Variants in CHN2 observed in about 807,000 individuals in gnomAD.
The protein encoded by CHN2 is chimerin 2.
CHN2 carries 35 observed loss-of-function variants against 56.3 expected under a neutral mutation model. That is an observed-to-expected ratio of 0.62 (90% CI 0.47 to 0.82). The LOEUF is 0.82. Among genes scored for constraint, CHN2 ranks in the 40% least tolerant of loss-of-function variants. The pLI is 0.00. For synonymous variants in CHN2, 210 were observed against 212.8 expected (o/e 0.99, Z 0.12); for missense variants, 491 against 580.5 (o/e 0.85, Z 1.58).
chr7:29,457,501 A>G (rs989313873), intron 6 of CHN2, among the ~76,000 whole-genome samples: 9 of 152,162 alleles, frequency 5.9e-5, no homozygotes, highest in Admixed American at 1.3e-4. Context: ...ACTCACTCAC[A>G]TAACAAAGTA....
chr7:29,146,820 T>C, intron 1 of CHN2: 1 of 1,550,600 alleles, frequency 6.4e-7, no homozygotes. Flanking sequence ...ATTTCAACCC[T>C]GTATTTTGAA....
intron 1 of CHN2, among the ~76,000 whole-genome samples, chr7:29,231,824 G>T (rs1786733170): frequency 6.6e-6 from 1 of 152,116 alleles, no homozygotes; most frequent in African/African-American, 2.4e-5. Flanking sequence ...GTTGTATGTT[G>T]CTTGTTGTTC....
intron 6 of CHN2, among the ~76,000 whole-genome samples, chr7:29,418,316 C>T (rs1226064883): frequency 5.9e-5 from 9 of 152,218 alleles, no homozygotes; most frequent in Admixed American, 5.2e-4. Flanking sequence ...AAACTTCTCG[C>T]GGAAGCGCGG....
At chr7:29,489,474 A>G (rs1788410240) in intron 7 of CHN2, among the ~76,000 whole-genome samples, 1 of 152,254 alleles carries the variant, frequency 6.6e-6, no homozygotes, top group African/African-American at 2.4e-5. Context: ...AAGAGTAGAC[A>G]TAATAAGTAG....
intron 1 of CHN2, among the ~76,000 whole-genome samples, chr7:29,288,447 G>C (rs892859665): frequency 4.6e-5 from 7 of 152,140 alleles, no homozygotes; most frequent in African/African-American, 1.4e-4. Context: ...TGATTCCTTA[G>C]AATTTGTGGT....
chr7:29,422,426 G>A (rs7777711), intron 6 of CHN2, among the ~76,000 whole-genome samples: 12,264 of 152,210 alleles, frequency 0.081, 1,424 homozygotes, highest in African/African-American at 0.25. Flanking sequence ...GTCTCTGACT[G>A]TGATGTTTCC....
intron 1 of CHN2, among the ~76,000 whole-genome samples, chr7:29,238,681 G>A (rs1787401308): frequency 6.6e-6 from 1 of 152,168 alleles, no homozygotes; most frequent in Non-Finnish European, 1.5e-5. Context: ...GTATTAAGAA[G>A]GGCTGAATTT....
intron 1 of CHN2, among the ~76,000 whole-genome samples, chr7:29,279,633 G>A (rs11980456): frequency 0.3 from 46,011 of 152,092 alleles, 7,251 homozygotes; most frequent in African/African-American, 0.38. Context: ...GGAACTCAGG[G>A]AATGGGGCTC....
intron 6 of CHN2, among the ~76,000 whole-genome samples, chr7:29,457,113 C>T (rs1458295769): frequency 3.3e-5 from 5 of 152,186 alleles, no homozygotes; most frequent in African/African-American, 4.8e-5. Flanking sequence ...CTAGCACGGG[C>T]GATGGCCTGC....
intron 6 of CHN2, among the ~76,000 whole-genome samples, chr7:29,417,420 C>G (rs1006350066): frequency 6.6e-6 from 1 of 151,420 alleles, no homozygotes; most frequent in Admixed American, 6.6e-5. Context: ...ACTGCAAGCT[C>G]CGCCTCCTGG....
intron 1 of CHN2, among the ~76,000 whole-genome samples, chr7:29,213,913 T>G (rs1186870466): frequency 1.3e-5 from 2 of 152,210 alleles, no homozygotes; most frequent in African/African-American, 4.8e-5. Context: ...TGCATTACTG[T>G]AATCTTTGTG....
intron 11 of CHN2, among the ~76,000 whole-genome samples, chr7:29,508,878 C>T (rs189902646): frequency 6.2e-4 from 94 of 152,116 alleles, no homozygotes; most frequent in Admixed American, 3.7e-3. Flanking sequence ...TGTAGAAGTC[C>T]GCCAGGGAAA....
chr7:29,307,335 A>G (rs1052858952), intron 1 of CHN2, among the ~76,000 whole-genome samples: 2 of 152,238 alleles, frequency 1.3e-5, no homozygotes, highest in African/African-American at 2.4e-5. Flanking sequence ...TTGAAGGGAA[A>G]GAATAAAAGG....
chr7:29,500,894 G>T (rs1040909451), intron 9 of CHN2, among the ~76,000 whole-genome samples: 5 of 152,174 alleles, frequency 3.3e-5, no homozygotes, highest in Non-Finnish European at 7.4e-5. Flanking sequence ...TGTTGTACAT[G>T]AGTCACTTTT....
Position 29,340,993 on chromosome 7 carries a change from A to G in CHN2, c.50-13632A>G, listed in dbSNP as rs537782884. On this transcript the variant is annotated intron_variant, in intron 1 of 12. Transcript: ENST00000222792. ...TGAAGGCGTCCTTGAGCTTCCCACC[A>G]GGAGAGCGCTTACTGAGTGTCTAGC... 5.3e-5 allele frequency among the ~76,000 whole-genome samples: 8 copies of G among 152,244 alleles called. No individual in the cohort carries two copies. In the East Asian group the frequency reaches 1.5e-3, roughly 29 times the overall value.
intron 7 of CHN2, among the ~76,000 whole-genome samples, chr7:29,484,296 A>C (rs1787708482): frequency 6.6e-6 from 1 of 152,226 alleles, no homozygotes. Flanking sequence ...CCTAGCTTTT[A>C]AAAAGTACTT....
At chr7:29,479,541 C>A in intron 6 of CHN2, 1 of 483,132 alleles carries the variant, frequency 2.1e-6, no homozygotes, top group Non-Finnish European at 2.7e-6. Flanking sequence ...AGTGCTAAGG[C>A]AGATTTTTAA....
chr7:29,258,626 G>A (rs1235437198), intron 1 of CHN2, among the ~76,000 whole-genome samples: 1 of 152,144 alleles, frequency 6.6e-6, no homozygotes, highest in East Asian at 1.9e-4. Context: ...GAAATGAAGT[G>A]TTTTTATTCT....
intron 6 of CHN2, among the ~76,000 whole-genome samples, chr7:29,474,484 G>C (rs1383471552): frequency 6.6e-6 from 1 of 151,946 alleles, no homozygotes; most frequent in Non-Finnish European, 1.5e-5. Flanking sequence ...CCAGACACAG[G>C]CCAGTTCACA....
Sources: gnomAD v4.1 joint callset for allele counts (sites outside exome capture counted in the v4.1 genomes callset) on GRCh38, gnomAD v4.1.1 for gene constraint, MANE v1.5 for transcripts, NCBI Gene and HGNC (gene_info 2026-07-23, HGNC 2026-07-21) for gene names.